Variants in ZNF804A observed in about 807,000 individuals in gnomAD.
ZNF804A encodes zinc finger protein 804A.
A neutral mutation model predicts 16.5 loss-of-function variants in ZNF804A; 2 were observed. That is an observed-to-expected ratio of 0.12 (90% confidence interval 0.05 to 0.38). The LOEUF (loss-of-function observed/expected upper bound fraction) is 0.38. ZNF804A is among the 10% of genes least tolerant of loss of function. The probability of loss-of-function intolerance (pLI) is 0.99; values close to 1 mark genes in which losing one functional copy is unlikely to be tolerated. For synonymous variants in ZNF804A, 534 were observed against 489.6 expected (o/e 1.09, Z -1.20); for missense variants, 1,473 against 1,390.7 (o/e 1.06, Z -0.94).
At chr2:184,852,705 A>C in intron 1 of ZNF804A, among the ~76,000 whole-genome samples, 1 of 151,764 alleles carries the variant, frequency 6.6e-6, no homozygotes, top group South Asian at 2.1e-4. Flanking sequence ...TGAACAGACT[A>C]TCCTTTCCCC....
chr2:184,816,191 G>T (rs887336334), intron 1 of ZNF804A, among the ~76,000 whole-genome samples: 3 of 151,972 alleles, frequency 2.0e-5, no homozygotes, highest in Non-Finnish European at 4.4e-5. Flanking sequence ...TATGGCAATT[G>T]TTCCCAGATG....
intron 1 of ZNF804A, among the ~76,000 whole-genome samples, chr2:184,839,020 T>C (rs911710914): frequency 2.6e-5 from 4 of 152,094 alleles, no homozygotes; most frequent in Admixed American, 6.6e-5. Flanking sequence ...GTCCAGAGAA[T>C]TGAACATTGA....
rs138576304 is a variant in ZNF804A at position 184,812,225 on chromosome 2, G to T, written c.112-54144G>T. Among the ~76,000 whole-genome samples, 383 of 152,192 alleles carry T rather than the reference G, an allele frequency of 2.5e-3. 1 individual carries two copies. The highest frequency in any genetic ancestry group is 6.8e-3 in the Middle Eastern group (2 of 294). On this transcript the variant is annotated intron_variant, in intron 1 of 3. Coordinates refer to ENST00000302277, the MANE Select transcript of ZNF804A (RefSeq NM_194250.2). ...CTAATATTCAACTAAAATGAAAAATGGCCATGTCTTTTCTAGTCCTGCTGT... is the reference window on the plus strand; with the variant it reads ...CTAATATTCAACTAAAATGAAAAATTGCCATGTCTTTTCTAGTCCTGCTGT...
At chr2:184,830,610 T>C (rs866431425) in intron 1 of ZNF804A, among the ~76,000 whole-genome samples, 16 of 152,158 alleles carry the variant, frequency 1.1e-4, no homozygotes, top group Admixed American at 4.6e-4. Flanking sequence ...ATCTGTATTT[T>C]AGTAAGCAGA....
At chr2:184,861,548 C>T (rs1312695019) in intron 1 of ZNF804A, among the ~76,000 whole-genome samples, 1 of 152,096 alleles carries the variant, frequency 6.6e-6, no homozygotes, top group Non-Finnish European at 1.5e-5. Flanking sequence ...TGAGTGTCTG[C>T]TAATGCTGGG....
chr2:184,898,300 T>A (rs1167612714), intron 2 of ZNF804A, among the ~76,000 whole-genome samples: 1 of 152,142 alleles, frequency 6.6e-6, no homozygotes, highest in Non-Finnish European at 1.5e-5. Context: ...AATGTGAAGC[T>A]ACTGTAATAG....
intron 2 of ZNF804A, among the ~76,000 whole-genome samples, chr2:184,892,060 G>C (rs1414783728): frequency 6.6e-6 from 1 of 152,108 alleles, no homozygotes; most frequent in Non-Finnish European, 1.5e-5. Flanking sequence ...CTTTATACGT[G>C]GGTAACATAG....
intron 1 of ZNF804A, among the ~76,000 whole-genome samples, chr2:184,865,963 C>T (rs1168265295): frequency 1.3e-5 from 2 of 151,854 alleles, no homozygotes; most frequent in Non-Finnish European, 2.9e-5. Flanking sequence ...AAATATAGAC[C>T]TTTTCAAACA....
intron 1 of ZNF804A, among the ~76,000 whole-genome samples, chr2:184,790,554 A>C (rs1237442658): frequency 6.6e-6 from 1 of 151,892 alleles, no homozygotes; most frequent in Non-Finnish European, 1.5e-5. Context: ...TAGGACAGCT[A>C]AATATTCTTG....
intron 1 of ZNF804A, among the ~76,000 whole-genome samples, chr2:184,625,487 T>C (rs184504456): frequency 1.9e-4 from 29 of 152,216 alleles, no homozygotes; most frequent in Admixed American, 5.2e-4. Context: ...TTAGTATATG[T>C]TTCATTACAT....
intron 1 of ZNF804A, among the ~76,000 whole-genome samples, chr2:184,792,779 T>C (rs79271497): frequency 1.2e-4 from 18 of 152,188 alleles, no homozygotes; most frequent in South Asian, 2.1e-4. Flanking sequence ...TCTTTTTTTT[T>C]CCAACTTTTA....
intron 1 of ZNF804A, among the ~76,000 whole-genome samples, chr2:184,630,408 C>A (rs1691586936): frequency 6.6e-6 from 1 of 152,084 alleles, no homozygotes; most frequent in South Asian, 2.1e-4. Context: ...CTAAATCCTT[C>A]CTCCGATTTT....
chr2:184,920,175 G>C (rs1220468399), intron 2 of ZNF804A, among the ~76,000 whole-genome samples: 1 of 152,034 alleles, frequency 6.6e-6, no homozygotes, highest in Non-Finnish European at 1.5e-5. Flanking sequence ...TTCAAATGGT[G>C]CCTGCATGTC....
intron 1 of ZNF804A, among the ~76,000 whole-genome samples, chr2:184,644,549 A>G (rs1224726917): frequency 6.6e-6 from 1 of 151,922 alleles, no homozygotes; most frequent in Non-Finnish European, 1.5e-5. Context: ...TCTCAATTAA[A>G]AAAACCTGTA....
chr2:184,670,486 A>G (rs1692324562), intron 1 of ZNF804A, among the ~76,000 whole-genome samples: 1 of 151,910 alleles, frequency 6.6e-6, no homozygotes, highest in Non-Finnish European at 1.5e-5. Flanking sequence ...TCTTCTCTAT[A>G]TTCTGGGAGA....
intron 1 of ZNF804A, among the ~76,000 whole-genome samples, chr2:184,799,694 T>C (rs1694694269): frequency 6.6e-6 from 1 of 151,996 alleles, no homozygotes; most frequent in Non-Finnish European, 1.5e-5. Flanking sequence ...TGGCTACTAT[T>C]TTTATTTATT....
chr2:184,908,666 A>G (rs1685314110), intron 2 of ZNF804A, among the ~76,000 whole-genome samples: 1 of 152,108 alleles, frequency 6.6e-6, no homozygotes, highest in Non-Finnish European at 1.5e-5. Flanking sequence ...AAGCCACTAA[A>G]TTTTAAACAG....
intron 1 of ZNF804A, among the ~76,000 whole-genome samples, chr2:184,628,386 A>G (rs1229533470): frequency 6.6e-6 from 1 of 152,148 alleles, no homozygotes. Context: ...TAAAAGAAAT[A>G]TTTATTGTTT....
At chr2:184,634,071 G>A (rs1326641444) in intron 1 of ZNF804A, among the ~76,000 whole-genome samples, 23 of 152,056 alleles carry the variant, frequency 1.5e-4, no homozygotes, top group Non-Finnish European at 1.5e-5. Flanking sequence ...AAAAAGTATT[G>A]AAGTTATAAA....
Sources: allele counts gnomAD v4.1 joint callset (sites outside exome capture counted in the v4.1 genomes callset), GRCh38; gene constraint gnomAD v4.1.1; transcripts MANE v1.5; gene names NCBI Gene and HGNC (gene_info 2026-07-23, HGNC 2026-07-21).